The following TAFA1 variants were observed in gnomAD, a reference collection of about 807,000 sequenced individuals.
The protein encoded by TAFA1 is TAFA chemokine like family member 1.
In TAFA1, 4 loss-of-function variants were observed where a neutral mutation model predicts 18.5. The observed-to-expected ratio is 0.22, with a 90% CI of 0.11 to 0.49. The LOEUF (loss-of-function observed/expected upper bound fraction) is 0.49, where lower values mean the gene tolerates loss of function less well. Ranked by LOEUF, TAFA1 falls within the 20% of genes least tolerant of loss-of-function variation. The pLI, the probability that TAFA1 is intolerant of heterozygous loss-of-function variation, is 0.98. For synonymous variants in TAFA1, 56 were observed against 55.2 expected (o/e 1.01, Z -0.06); for missense variants, 147 against 169.0 (o/e 0.87, Z 0.72).
At chr3:68,202,825 A>C (rs2066483529) in intron 2 of TAFA1, among the ~76,000 whole-genome samples, 1 of 151,692 alleles carries the variant, frequency 6.6e-6, no homozygotes, top group Admixed American at 6.6e-5. Context: ...ATTTTGAATA[A>C]ATTGTTTTCT....
At chr3:68,229,513 G>A (rs2066844625) in intron 2 of TAFA1, among the ~76,000 whole-genome samples, 1 of 152,182 alleles carries the variant, frequency 6.6e-6, no homozygotes, top group Non-Finnish European at 1.5e-5. Flanking sequence ...TTGTTTTGGA[G>A]TGGGCTTTTT....
intron 2 of TAFA1, among the ~76,000 whole-genome samples, chr3:68,011,804 G>T (rs1209527377): frequency 1.3e-5 from 2 of 152,142 alleles, no homozygotes; most frequent in African/African-American, 4.8e-5. Context: ...TGATCCTATT[G>T]ACCTCATCGC....
chr3:68,504,994 T>C (rs1428690155), intron 3 of TAFA1, among the ~76,000 whole-genome samples: 1 of 152,110 alleles, frequency 6.6e-6, no homozygotes, highest in African/African-American at 2.4e-5. Context: ...AGAGTGTGTC[T>C]TGTTGCGAGT....
At chr3:68,401,263 T>A (rs2070483109) in intron 2 of TAFA1, among the ~76,000 whole-genome samples, 1 of 152,018 alleles carries the variant, frequency 6.6e-6, no homozygotes, top group Non-Finnish European at 1.5e-5. Context: ...GGAGCTAGGG[T>A]GGTGTCTCAG....
At chr3:68,028,414 T>C (rs1342290688) in intron 2 of TAFA1, among the ~76,000 whole-genome samples, 2 of 130,072 alleles carry the variant, frequency 1.5e-5, no homozygotes, top group Non-Finnish European at 3.3e-5. Flanking sequence ...ATGAAAATAA[T>C]TTAAATATTA....
intron 3 of TAFA1, among the ~76,000 whole-genome samples, chr3:68,490,054 G>T (rs1347910536): frequency 6.6e-6 from 1 of 152,174 alleles, no homozygotes; most frequent in Non-Finnish European, 1.5e-5. Flanking sequence ...AGCATTTGTT[G>T]CCAATGATAG....
chr3:68,036,864 A>G (rs1705060716), intron 2 of TAFA1, among the ~76,000 whole-genome samples: 1 of 152,150 alleles, frequency 6.6e-6, no homozygotes, highest in African/African-American at 2.4e-5. Context: ...GATTTTGAAT[A>G]CTTTCTTGCC....
In TAFA1 at chr3:68,188,520, TATAG is replaced by T. The variant is rs1331963101; in HGVS notation, c.118+181778_118+181781del. Among the ~76,000 whole-genome samples the T allele has an allele frequency of 2.4e-3, 351 of 146,522 alleles. 1 individual carries two copies. Among genetic ancestry groups the T allele is most frequent in the African/African-American group, 8.2e-3 (327 of 40,122 alleles). On this transcript the variant is annotated intron_variant, in intron 2 of 4. Transcript: ENST00000478136. ...GTGTATATATATTTATATATATATA[TATAG>T]AGAGAGAGAGAGAGAGAGTACCATC...
intron 2 of TAFA1, among the ~76,000 whole-genome samples, chr3:68,043,245 A>G (rs1286647046): frequency 6.6e-6 from 1 of 152,138 alleles, no homozygotes; most frequent in Non-Finnish European, 1.5e-5. Context: ...CTGACAGGTG[A>G]TTGCCTTTTG....
rs564433881 is a variant in TAFA1, at chr3:68,338,533, GA to G, written c.119-78745del. On this transcript the variant is annotated intron_variant, in intron 2 of 4. Coordinates refer to ENST00000478136, the MANE Select transcript of TAFA1 (RefSeq NM_213609.4). The stretch of plus-strand genomic sequence containing the variant: ...TATTCTGTGTTGAACCCTTTATAAT[GA>G]AGCATTTTGTGTTAAGGATTCTCAA... Among the ~76,000 whole-genome samples the G allele has an allele frequency of 6.4e-3, 981 of 152,206 alleles. 11 individuals carry two copies. Among genetic ancestry groups the G allele is most frequent in the African/African-American group, 0.023 (946 of 41,536 alleles).
At chr3:68,463,724 G>A (rs2071828868) in intron 3 of TAFA1, among the ~76,000 whole-genome samples, 1 of 152,158 alleles carries the variant, frequency 6.6e-6, no homozygotes, top group Non-Finnish European at 1.5e-5. Flanking sequence ...GTTGGGTGAA[G>A]TCAAAATCTT....
At chr3:68,343,317 G>A (rs1403135717) in intron 2 of TAFA1, among the ~76,000 whole-genome samples, 1 of 152,138 alleles carries the variant, frequency 6.6e-6, no homozygotes, top group African/African-American at 2.4e-5. Flanking sequence ...ATCTTACTGA[G>A]TCAGAATTTC....
intron 2 of TAFA1, among the ~76,000 whole-genome samples, chr3:68,041,036 C>G (rs1048612572): frequency 4.6e-5 from 7 of 152,146 alleles, no homozygotes; most frequent in Non-Finnish European, 8.8e-5. Flanking sequence ...GACAGTGCCT[C>G]TCTTCTGCCA....
At chr3:68,369,167 ACACACTTATGTTGGTGCAGG>A (rs1343328507) in intron 2 of TAFA1, among the ~76,000 whole-genome samples, 4 of 151,584 alleles carry the variant, frequency 2.6e-5, no homozygotes, top group South Asian at 2.1e-4. Context: ...CTTGTCTAGC[ACACACTTATGTTGGTGCAGG>A]CACACACACA....
chr3:68,249,616 T>C (rs1009014885), intron 2 of TAFA1, among the ~76,000 whole-genome samples: 33 of 151,954 alleles, frequency 2.2e-4, no homozygotes, highest in African/African-American at 7.7e-4. Context: ...CCACCACCAA[T>C]CTACCAAATC....
At chr3:68,469,894 A>G (rs1014204285) in intron 3 of TAFA1, among the ~76,000 whole-genome samples, 2 of 152,194 alleles carry the variant, frequency 1.3e-5, no homozygotes, top group Non-Finnish European at 2.9e-5. Context: ...GGGACACTGA[A>G]GGATTGAACT....
chr3:68,496,171 C>G (rs1352379373), intron 3 of TAFA1, among the ~76,000 whole-genome samples: 1 of 152,088 alleles, frequency 6.6e-6, no homozygotes, highest in East Asian at 1.9e-4. Flanking sequence ...TAACGAGAAT[C>G]AGTTGTAAAT....
chr3:68,003,679 C>T (rs549718440), upstream of TAFA1, among the ~76,000 whole-genome samples: 23 of 152,254 alleles, frequency 1.5e-4, no homozygotes, highest in Admixed American at 6.5e-4. Context: ...TTTCCCTCCC[C>T]ACCCCAGCAT....
chr3:68,101,857 A>T (rs1575616843), intron 2 of TAFA1, among the ~76,000 whole-genome samples: 2 of 152,246 alleles, frequency 1.3e-5, no homozygotes. Context: ...ACAACTCCTG[A>T]TGCTTATGTG....
Sources: gnomAD v4.1 joint callset for allele counts (sites outside exome capture counted in the v4.1 genomes callset) on GRCh38, gnomAD v4.1.1 for gene constraint, MANE v1.5 for transcripts, NCBI Gene and HGNC (gene_info 2026-07-23, HGNC 2026-07-21) for gene names.